CENPP: variants seen among roughly 807,000 people sequenced by gnomAD.
The protein encoded by CENPP is centromere protein P.
In CENPP, 24 loss-of-function variants were observed where a neutral mutation model predicts 35.6. The ratio of observed to expected loss-of-function variants is 0.67; its 90% CI spans 0.49 to 0.95. The LOEUF is 0.95. CENPP is among the 40% of genes least tolerant of loss of function. The pLI is 0.00. For missense variants in CENPP, 332 were observed against 345.3 expected (o/e 0.96, Z 0.31); for synonymous variants, 120 against 125.5 (o/e 0.96, Z 0.29).
At chr9:92,545,669 G>A (rs982166683) in intron 5 of CENPP, among the ~76,000 whole-genome samples, 2 of 152,248 alleles carry the variant, frequency 1.3e-5, no homozygotes, top group African/African-American at 4.8e-5. Flanking sequence ...TCCACCTGCA[G>A]CCTGGTGCGG....
chr9:92,578,442 C>T (rs1454577972), intron 5 of CENPP, among the ~76,000 whole-genome samples: 1 of 151,540 alleles, frequency 6.6e-6, no homozygotes, highest in East Asian at 1.9e-4. Context: ...CCTATTTCTC[C>T]ACATCCTCTC....
At chr9:92,498,610 A>T (rs1292672717) in intron 5 of CENPP, among the ~76,000 whole-genome samples, 1 of 152,156 alleles carries the variant, frequency 6.6e-6, no homozygotes, top group Admixed American at 6.5e-5. Context: ...AAAATAAACT[A>T]AATAACATGT....
intron 5 of CENPP, chr9:92,611,102 C>A: frequency 1.7e-6 from 1 of 604,784 alleles, no homozygotes; most frequent in Non-Finnish European, 3.0e-6. Context: ...GGGGAAGCAG[C>A]AGTCATGGGA....
rs71362382 is a variant in CENPP, at chr9:92,372,099, CTTTTTTTTTTTTTTTTTTT to C, written c.468-7650_468-7632del. Among the ~76,000 whole-genome samples the C allele has an allele frequency of 1.3e-4, 4 of 30,680 alleles. No individual in the cohort carries two copies. In the Admixed American group the frequency reaches 2.0e-3, roughly 16 times the overall value. 20.1% of individuals were successfully genotyped at this position (30,680 alleles called of 152,430 possible). A position where few individuals can be genotyped will look rare whatever the true frequency, so the allele number is the denominator to read the frequency against. ...AGGTGTAAGCCACCATGCCAGCCATCTTTTTTTTTTTTTTTTTTTTTTTTTTTTTTTTAACTGTTCTTGA... is the reference window on the plus strand; with the variant it reads ...AGGTGTAAGCCACCATGCCAGCCATCTTTTTTTTTTTTTAACTGTTCTTGA... On this transcript the variant is annotated intron_variant, in intron 4 of 7. Transcript: ENST00000375587.
chr9:92,566,306 A>T (rs1017447535), intron 5 of CENPP, among the ~76,000 whole-genome samples: 1 of 151,984 alleles, frequency 6.6e-6, no homozygotes, highest in Non-Finnish European at 1.5e-5. Flanking sequence ...TCTCAAAAAA[A>T]AAAAACAAAA....
At chr9:92,519,251 G>A (rs1276986371) in intron 5 of CENPP, among the ~76,000 whole-genome samples, 4 of 152,104 alleles carry the variant, frequency 2.6e-5, no homozygotes, top group African/African-American at 9.7e-5. Flanking sequence ...TTTCTTCCAG[G>A]TTATCAAAAG....
chr9:92,389,978 A>C, intron 5 of CENPP: 1 of 1,610,946 alleles, frequency 6.2e-7, no homozygotes, highest in Non-Finnish European at 8.5e-7. Context: ...AAGTTCTTCT[A>C]ACAGAGAAAG....
At chr9:92,331,514 T>A (rs1326670034) in intron 1 of CENPP, among the ~76,000 whole-genome samples, 1 of 152,236 alleles carries the variant, frequency 6.6e-6, no homozygotes, top group Non-Finnish European at 1.5e-5. Flanking sequence ...TTAAAATAAT[T>A]TGAGAGATAT....
chr9:92,612,867 A>T, intron 7 of CENPP, 152 bp from the exon 8 acceptor site: 1 of 948,538 alleles, frequency 1.1e-6, no homozygotes, highest in Admixed American at 2.2e-5. Flanking sequence ...GCCTCCACTC[A>T]CTCCATCTCC....
intron 5 of CENPP, among the ~76,000 whole-genome samples, chr9:92,509,521 G>T (rs975451561): frequency 5.9e-5 from 9 of 152,136 alleles, no homozygotes; most frequent in African/African-American, 2.2e-4. Flanking sequence ...AACAAACATG[G>T]CACTGGTTAG....
rs540889300 is a variant in CENPP at position 92,619,612 on chromosome 9, GC to G, written c.*6470del. On this transcript the variant is annotated 3_prime_UTR_variant, in exon 8 of 8. Coordinates refer to ENST00000375587, the MANE Select transcript of CENPP (RefSeq NM_001012267.3). Reference sequence around the variant, plus strand: ...GCTCCAGGTCACACAGGAAGCCTCTGCCCCCCCACACAACCTTCCTTCCCAG... The same window carrying G: ...GCTCCAGGTCACACAGGAAGCCTCTGCCCCCCACACAACCTTCCTTCCCAG... The G allele has an allele frequency of 7.4e-6, 11 of 1,482,714 alleles. No homozygotes were observed. Among genetic ancestry groups the G allele is most frequent in the Non-Finnish European group, 7.4e-6 (8 of 1,084,874 alleles). The allele number at this position is 1,482,714 out of a possible 1,614,324, so 91.8% of individuals were successfully genotyped here.
At chr9:92,329,057 T>C (rs1468674103) in intron 1 of CENPP, among the ~76,000 whole-genome samples, 1 of 152,208 alleles carries the variant, frequency 6.6e-6, no homozygotes, top group East Asian at 1.9e-4. Flanking sequence ...GTTCTGCATA[T>C]CCAGCCTTTA....
At chr9:92,434,712 T>C (rs572203125) in intron 5 of CENPP, among the ~76,000 whole-genome samples, 1 of 152,062 alleles carries the variant, frequency 6.6e-6, no homozygotes, top group Non-Finnish European at 1.5e-5. Context: ...GAGGAAAACA[T>C]CCAGAGATGC....
intron 5 of CENPP, chr9:92,457,541 G>A (rs754649701): frequency 7.7e-7 from 1 of 1,304,014 alleles, no homozygotes; most frequent in Non-Finnish European, 1.1e-6. Context: ...GTAAACGGAA[G>A]ATACTCTGTA....
intron 5 of CENPP, among the ~76,000 whole-genome samples, chr9:92,562,630 T>C (rs1328443517): frequency 2.6e-5 from 4 of 152,080 alleles, no homozygotes; most frequent in Non-Finnish European, 5.9e-5. Flanking sequence ...CCAGAACAGT[T>C]CTTTTCCCTA....
chr9:92,546,463 G>A, intron 5 of CENPP, among the ~76,000 whole-genome samples: 1 of 152,062 alleles, frequency 6.6e-6, no homozygotes, highest in Non-Finnish European at 1.5e-5. Context: ...CTTCGCTCCT[G>A]AAGCCAGCGA....
intron 5 of CENPP, among the ~76,000 whole-genome samples, chr9:92,542,576 G>C (rs1380739675): frequency 6.6e-6 from 1 of 151,752 alleles, no homozygotes; most frequent in Non-Finnish European, 1.5e-5. Flanking sequence ...TAGTGCAGTG[G>C]CACGATCATG....
chr9:92,472,369 A>T (rs1292697699), intron 5 of CENPP, among the ~76,000 whole-genome samples: 2 of 149,716 alleles, frequency 1.3e-5, no homozygotes, highest in African/African-American at 4.9e-5. Flanking sequence ...AAATAAAAAT[A>T]AAAAAATAGG....
At chr9:92,569,372 T>TC (rs955032907) in intron 5 of CENPP, among the ~76,000 whole-genome samples, 9 of 152,202 alleles carry the variant, frequency 5.9e-5, no homozygotes, top group African/African-American at 1.9e-4. Flanking sequence ...GTCAGGTTTG[T>TC]CAAAGATCAG....
Sources: gnomAD v4.1 joint callset for allele counts (sites outside exome capture counted in the v4.1 genomes callset) on GRCh38, gnomAD v4.1.1 for gene constraint, MANE v1.5 for transcripts, NCBI Gene and HGNC (gene_info 2026-07-23, HGNC 2026-07-21) for gene names.